The following TMPRSS9 variants were observed in gnomAD, a reference collection of about 807,000 sequenced individuals.
TMPRSS9 encodes the protein transmembrane serine protease 9.
In TMPRSS9, 113 loss-of-function variants were observed where a neutral mutation model predicts 111.4. The ratio of observed to expected loss-of-function variants is 1.01; its 90% CI spans 0.87 to 1.19. TMPRSS9 has a LOEUF of 1.19. Among genes scored for constraint, TMPRSS9 ranks in the 50% most tolerant of loss-of-function variants. The pLI is 0.00. For missense variants in TMPRSS9, 1,803 were observed against 1,513.1 expected, an observed-to-expected ratio of 1.19 and a Z score of -3.18; for synonymous variants, 805 against 659.1, an observed-to-expected ratio of 1.22 and a Z score of -3.39.
upstream of TMPRSS9, among the ~76,000 whole-genome samples, chr19:2,385,929 G>A (rs1392659653): frequency 6.6e-6 from 1 of 151,940 alleles, no homozygotes; most frequent in Non-Finnish European, 1.5e-5. Context: ...GATCTGGTCT[G>A]CAGAATTATT....
In TMPRSS9 at chr19:2,366,248, G is replaced by A. The variant is rs941179185; in HGVS notation, c.-26+5888G>A. 1.1e-4 allele frequency among the ~76,000 whole-genome samples: 17 copies of A among 151,896 alleles called. No homozygotes were observed. The East Asian group carries it at 1.9e-3, about 17-fold the overall frequency. Reference sequence around the variant, plus strand: ...TGTAGTCCTAGCTACTCAGGCGGCCGAGGTGGGAGGATTGCTTGAGTCCAG... The same window carrying A: ...TGTAGTCCTAGCTACTCAGGCGGCCAAGGTGGGAGGATTGCTTGAGTCCAG... On this transcript the variant is annotated intron_variant, in intron 1 of 17. Transcript: ENST00000649857.
At chr19:2,390,303 T>G (rs556067277) in intron 1 of TMPRSS9, among the ~76,000 whole-genome samples, 1 of 93,784 alleles carries the variant, frequency 1.1e-5, no homozygotes, top group Admixed American at 9.4e-5. Flanking sequence ...TGCAGTGGTG[T>G]GATATCTCGG....
chr19:2,379,675 T>TTCTTTCTTTCTC (rs748307720), intron 1 of TMPRSS9, among the ~76,000 whole-genome samples: 2 of 144,498 alleles, frequency 1.4e-5, no homozygotes, highest in Admixed American at 6.9e-5. Context: ...CTTTCTTTCT[T>TTCTTTCTTTCTC]TCTCTTTTTC....
intron 1 of TMPRSS9, among the ~76,000 whole-genome samples, chr19:2,379,645 C>CTTTCTTAA (rs893606669): frequency 2.7e-5 from 4 of 148,786 alleles, no homozygotes; most frequent in African/African-American, 1.0e-4. Flanking sequence ...TTCTTTCTTT[C>CTTTCTTAA]TTTCTTTCTT....
intron 14 of TMPRSS9, among the ~76,000 whole-genome samples, chr19:2,423,133 C>T (rs1469537886): frequency 3.3e-5 from 5 of 151,730 alleles, no homozygotes; most frequent in South Asian, 4.2e-4. Flanking sequence ...GTGCGTGTTT[C>T]TTGCTAACTT....
At chr19:2,380,958 ACT>A (rs1213151810) in intron 1 of TMPRSS9, among the ~76,000 whole-genome samples, 2 of 151,824 alleles carry the variant, frequency 1.3e-5, no homozygotes, top group African/African-American at 4.8e-5. Flanking sequence ...ATAACTCATC[ACT>A]CTCTCAGAAA....
intron 1 of TMPRSS9, among the ~76,000 whole-genome samples, chr19:2,380,236 A>G (rs1274602641): frequency 1.3e-5 from 2 of 151,856 alleles, no homozygotes; most frequent in Non-Finnish European, 2.9e-5. Flanking sequence ...ATGAGCTACA[A>G]TTGTGCCACT....
intron 1 of TMPRSS9, among the ~76,000 whole-genome samples, chr19:2,393,078 A>T (rs758910320): frequency 3.9e-5 from 6 of 152,190 alleles, no homozygotes; most frequent in Non-Finnish European, 7.3e-5. Context: ...AGCGCTCTGT[A>T]AAATGGGCCA....
chr19:2,360,715 G>A (rs373547663), intron 1 of TMPRSS9, among the ~76,000 whole-genome samples: 7 of 144,098 alleles, frequency 4.9e-5, no homozygotes, highest in African/African-American at 1.9e-4. Flanking sequence ...TAGATGCGGC[G>A]GGGGTTATGT....
At chr19:2,366,509 GA>G (rs1879350666) in intron 1 of TMPRSS9, among the ~76,000 whole-genome samples, 1 of 152,168 alleles carries the variant, frequency 6.6e-6, no homozygotes, top group South Asian at 2.1e-4. Flanking sequence ...AAGGATTTGG[GA>G]GTGATTTATC....
At chr19:2,378,339 C>T (rs1263950572) in intron 1 of TMPRSS9, among the ~76,000 whole-genome samples, 1 of 152,186 alleles carries the variant, frequency 6.6e-6, no homozygotes. Flanking sequence ...CAGTGCTGAA[C>T]AGGGACAGTC....
At chr19:2,384,016 G>A (rs529428750) in intron 1 of TMPRSS9, among the ~76,000 whole-genome samples, 2 of 152,132 alleles carry the variant, frequency 1.3e-5, no homozygotes, top group African/African-American at 2.4e-5. Context: ...TCTGCCCACC[G>A]AGGCCTGGTT....
At chr19:2,426,026 C>T (rs1200084902) in exon 18 of TMPRSS9, 1 of 1,609,124 alleles carries the variant, frequency 6.2e-7, no homozygotes, top group Admixed American at 1.7e-5. Flanking sequence ...GCCCCACTTC[C>T]CAGGTGTCTA....
chr19:2,393,504 C>G (rs1251872103), intron 1 of TMPRSS9, among the ~76,000 whole-genome samples: 1 of 152,188 alleles, frequency 6.6e-6, no homozygotes, highest in Non-Finnish European at 1.5e-5. Context: ...TAACACTCAG[C>G]GTGAGGATCC....
intron 13 of TMPRSS9, 146 bp downstream of exon 14, chr19:2,418,284 TTTCCTCCTTTCCTTCCCTCCCTTTCCC>T (rs1971308934): frequency 3.7e-5 from 26 of 706,148 alleles, no homozygotes; most frequent in South Asian, 3.2e-4. Flanking sequence ...CTCCTTTTCC[TTTCCTCCTTTCCTTCCCTCCCTTTCCC>T]TCCCTCCCTC....
intron 7 of TMPRSS9, among the ~76,000 whole-genome samples, chr19:2,407,919 G>C (rs1054817580): frequency 2.6e-5 from 4 of 151,954 alleles, no homozygotes; most frequent in African/African-American, 9.7e-5. Flanking sequence ...GAGTGGCTGG[G>C]ATTACAGGCG....
At position 2,408,629 on chromosome 19, in the gene TMPRSS9, C is replaced by T. The variant is rs771416699; in HGVS notation, c.1116C>T (p.Phe372=). Residue 372 remains phenylalanine, a splice_region_variant and synonymous_variant, in exon 8 of 18, where the codon TTC becomes TTT. Coordinates refer to ENST00000648592, the Ensembl canonical transcript of TMPRSS9. ...GCTGGGGCTACCTCAAGGAGGACTT[C>T]CGTAAGCATCTTCCTCGGCCTGCAA... The T allele has an allele frequency of 8.7e-6, 14 of 1,607,686 alleles. No homozygotes were observed. In the South Asian group the frequency reaches 1.5e-4, roughly 18 times the overall value.
At chr19:2,421,903 A>G (rs1971469694) in exon 14 of TMPRSS9, 3 of 1,612,482 alleles carry the variant, frequency 1.9e-6, no homozygotes, top group Non-Finnish European at 2.5e-6. Context: ...GGCGTGTTTT[A>G]TCTGGCAGGG....
intron 1 of TMPRSS9, among the ~76,000 whole-genome samples, chr19:2,393,345 G>C (rs771948986): frequency 6.6e-6 from 1 of 152,034 alleles, no homozygotes; most frequent in South Asian, 2.1e-4. Context: ...CTCCAGACAC[G>C]CTGCCTTAAG....
Sources: gnomAD v4.1 joint callset for allele counts (sites outside exome capture counted in the v4.1 genomes callset) on GRCh38, gnomAD v4.1.1 for gene constraint, MANE v1.5 for transcripts, NCBI Gene and HGNC (gene_info 2026-07-23, HGNC 2026-07-21) for gene names.